DMXL1: variants seen among roughly 807,000 people sequenced by gnomAD.
The protein encoded by DMXL1 is Dmx like 1.
Under a neutral mutation model 319.2 loss-of-function variants are expected in DMXL1, and 99 were observed. That is an observed-to-expected ratio of 0.31 (90% CI 0.26 to 0.37). The LOEUF is 0.37. Among genes scored for constraint, DMXL1 ranks in the 10% least tolerant of loss-of-function variants. The pLI is 1.00. For missense variants in DMXL1, 3,745 were observed against 3,595.6 expected (o/e 1.04, Z -1.06); for synonymous variants, 1,385 against 1,235.2 (o/e 1.12, Z -2.54).
chr5:119,083,385 C>T (rs189207965), intron 1 of DMXL1, among the ~76,000 whole-genome samples: 215 of 151,976 alleles, frequency 1.4e-3, no homozygotes, highest in African/African-American at 4.4e-3. Context: ...TTTTTTTCAT[C>T]CACTGATGGG....
At chr5:119,073,996 G>A (rs1750244962) in intron 1 of DMXL1, among the ~76,000 whole-genome samples, 1 of 151,686 alleles carries the variant, frequency 6.6e-6, no homozygotes, top group African/African-American at 2.4e-5. Flanking sequence ...TTAGCTCACT[G>A]CAACTTCCGC....
chr5:119,193,945 G>C lies in DMXL1; in HGVS notation c.7432G>C (p.Glu2478Gln). Residue 2478 changes from glutamate to glutamine, a missense_variant, in exon 30 of 44, where the codon GAA becomes CAA. Transcript: ENST00000539542. Reference protein sequence around the residue: ...DVLASDFHLQEHSNSNSYSWS... With the variant: ...DVLASDFHLQQHSNSNSYSWS... ...TTTAGCATCAGATTTCCATCTCCAGGAACATTCTAATTCAAATTCATATAG... is the reference window on the plus strand; with the variant it reads ...TTTAGCATCAGATTTCCATCTCCAGCAACATTCTAATTCAAATTCATATAG... 6.2e-7 allele frequency: 1 copy of C among 1,608,086 alleles called. No individual in the cohort carries two copies. Among genetic ancestry groups the C allele is most frequent in the Non-Finnish European group, 8.5e-7 (1 of 1,176,478 alleles).
rs1776175947 is a variant in DMXL1, at chr5:119,178,229, T to A, written c.7120T>A (p.Ser2374Thr). 1.2e-6 allele frequency: 2 copies of A among 1,612,870 alleles called. No homozygotes were observed. Residue 2374 changes from serine (S) to threonine (T), a missense_variant, in exon 28 of 44, where the codon TCA becomes ACA. Physicochemically the swap from Ser to Thr is moderately conservative, Grantham distance 58. Transcript: ENST00000539542. ...AHVPSKEQTHSKTLPVSSLVE... is the reference protein window; with the variant it reads ...AHVPSKEQTHTKTLPVSSLVE... ...TGTTCCTAGCAAAGAACAGACACAT[T>A]CAAAAACTTTACCTGGTGAGTTTAA...
At position 119,150,275 on chromosome 5, in the gene DMXL1, C is replaced by A; in HGVS notation, c.4448C>A (p.Pro1483His). 6.2e-7 allele frequency: 1 copy of A among 1,613,750 alleles called. No homozygotes were observed. Among genetic ancestry groups the A allele is most frequent in the African/African-American group, 1.3e-5 (1 of 74,948 alleles). The change falls in exon 18 of 44, where the codon CCT becomes CAT. Residue 1483 changes from proline to histidine, a missense_variant. Pro to His is a moderately conservative substitution (Grantham distance 77). Transcript: ENST00000539542. ...LSQYSPTYFG[P>H]EHAQVLSGHL... Reference sequence around the variant, plus strand: ...CAGTACAGTCCGACTTACTTTGGACCTGAGCATGCTCAGGTTCTTTCTGGC... The same window carrying A: ...CAGTACAGTCCGACTTACTTTGGACATGAGCATGCTCAGGTTCTTTCTGGC...
In DMXL1 at chr5:119,247,882, T is replaced by C. The variant is rs1790048382; in HGVS notation, c.*663T>C. ...TGTATATATTAGCGAAAACTGGTTT[T>C]TCATGTGTTTTTGTGCCATAACAAC... On this transcript the variant is annotated 3_prime_UTR_variant, in exon 44 of 44. Coordinates refer to ENST00000539542, the MANE Select transcript of DMXL1 (RefSeq NM_001290321.3). 1 of 151,872 alleles carries C rather than the reference T, an allele frequency of 6.6e-6. No homozygotes were observed. The highest frequency in any genetic ancestry group is 1.5e-5 in the Non-Finnish European group (1 of 67,970). The allele number at this position is 151,872 out of a possible 1,614,324, so 9.4% of individuals were successfully genotyped here. A position where few individuals can be genotyped will look rare whatever the true frequency, so the allele number is the denominator to read the frequency against.
At chr5:119,210,334 T>C (rs142675720) in intron 34 of DMXL1, among the ~76,000 whole-genome samples, 538 of 152,326 alleles carry the variant, frequency 3.5e-3, no homozygotes, top group African/African-American at 0.013. Flanking sequence ...TTTTGGGTGT[T>C]GTATTTAAGA....
rs186422000 is a variant in DMXL1 at position 119,114,960 on chromosome 5, G to T, written c.564+419G>T. Among the ~76,000 whole-genome samples the T allele has an allele frequency of 4.3e-4, 66 of 152,278 alleles. 1 individual carries two copies. Among genetic ancestry groups the T allele is most frequent in the Middle Eastern group, 3.4e-3 (1 of 294 alleles). ...TGAGATTATAGGCGTGAGCCACCATGCCCGGCCATTAAAAATTTTAAATAG... is the reference window on the plus strand; with the variant it reads ...TGAGATTATAGGCGTGAGCCACCATTCCCGGCCATTAAAAATTTTAAATAG... On this transcript the variant is annotated intron_variant, in intron 6 of 43. Coordinates refer to ENST00000539542, the MANE Select transcript of DMXL1 (RefSeq NM_001290321.3).
At chr5:119,108,160 T>A (rs1758766393) in intron 4 of DMXL1, among the ~76,000 whole-genome samples, 1 of 152,118 alleles carries the variant, frequency 6.6e-6, no homozygotes, top group Non-Finnish European at 1.5e-5. Context: ...CCCAGGAGTT[T>A]GAGACCAGCC....
chr5:119,125,030 C>T (rs1470977982), intron 9 of DMXL1, among the ~76,000 whole-genome samples: 1 of 152,034 alleles, frequency 6.6e-6, no homozygotes, highest in African/African-American at 2.4e-5. Context: ...ACTGTATGAC[C>T]TAGGACATAT....
intron 2 of DMXL1, among the ~76,000 whole-genome samples, chr5:119,098,773 C>G (rs766625264): frequency 6.6e-6 from 1 of 152,148 alleles, no homozygotes. Context: ...TAAAATAACT[C>G]CATATAGGCA....
intron 38 of DMXL1, among the ~76,000 whole-genome samples, chr5:119,229,929 C>T (rs910770613): frequency 6.6e-6 from 1 of 152,024 alleles, no homozygotes. Context: ...TATTCTTCTG[C>T]AATAAGAAGC....
At chr5:119,219,553 TTTAATTAATTAA>T (rs201458069) in intron 35 of DMXL1, among the ~76,000 whole-genome samples, 5 of 151,718 alleles carry the variant, frequency 3.3e-5, no homozygotes, top group African/African-American at 9.7e-5. Context: ...AAGATACACA[TTTAATTAATTAA>T]TTAATTTATT....
Position 119,131,003 on chromosome 5 carries a change from CT to C in DMXL1, c.1315+1594del, listed in dbSNP as rs35682583. Among the ~76,000 whole-genome samples the C allele has an allele frequency of 6.1e-3, 871 of 142,024 alleles. 3 individuals are homozygous for C. The highest frequency in any genetic ancestry group is 0.016 in the Admixed American group (231 of 14,132). 93.2% of individuals were successfully genotyped at this position (142,024 alleles called of 152,430 possible). A position where few individuals can be genotyped will look rare whatever the true frequency, so the allele number is the denominator to read the frequency against. ...AACATTGGATGTTTTCATTATATTA[CT>C]TTTTTTTTTTTTTGCCAGTTGATAA... On this transcript the variant is annotated intron_variant, in intron 10 of 43. Coordinates refer to ENST00000539542, the MANE Select transcript of DMXL1 (RefSeq NM_001290321.3).
chr5:119,098,130 A>C (rs190770828), intron 2 of DMXL1, 26 bp downstream of exon 2: 7 of 1,591,730 alleles, frequency 4.4e-6, no homozygotes, highest in Middle Eastern at 1.7e-4. Context: ...CTAATATACA[A>C]ATTTGTTTGG....
Position 119,224,723 on chromosome 5 carries a change from C to T in DMXL1, c.8292C>T (p.Ala2764=). 1 of 1,309,682 alleles carries T rather than the reference C, an allele frequency of 7.6e-7. No homozygotes were observed. The highest frequency in any genetic ancestry group is 1.0e-6 in the Non-Finnish European group (1 of 979,174). The allele number at this position is 1,309,682 out of a possible 1,614,324, so 81.1% of individuals were successfully genotyped here. Residue 2764 remains alanine (A), a synonymous_variant, in exon 38 of 44, where the codon GCC becomes GCT. Transcript: ENST00000539542. ...GRGASVMIKK[A]INNVRRMTSH... is the part of the protein sequence containing the mutation. Reference sequence around the variant, plus strand: ...TATTTTACCAGATGATTAAGAAAGCCATTAATAATGTTAGAAGAATGACTT... The same window carrying T: ...TATTTTACCAGATGATTAAGAAAGCTATTAATAATGTTAGAAGAATGACTT...
chr5:119,164,784 A>G, intron 20 of DMXL1, 108 bp downstream of exon 20: 3 of 1,013,144 alleles, frequency 3.0e-6, no homozygotes, highest in Non-Finnish European at 4.3e-6. Context: ...TTGAAGCAGC[A>G]AAAGGCTTTT....
intron 28 of DMXL1, among the ~76,000 whole-genome samples, chr5:119,183,525 T>C (rs1777148361): frequency 6.6e-6 from 1 of 152,186 alleles, no homozygotes; most frequent in Non-Finnish European, 1.5e-5. Flanking sequence ...CAGGCTGGAG[T>C]GCAGTGGCGT....
chr5:119,153,291 A>C (rs1328494614), intron 19 of DMXL1, among the ~76,000 whole-genome samples: 4 of 152,164 alleles, frequency 2.6e-5, no homozygotes, highest in Non-Finnish European at 5.9e-5. Flanking sequence ...TTCTCTTTAA[A>C]ATTTTTAGAT....
chr5:119,155,610 G>GGGA (rs1770841802), intron 19 of DMXL1, among the ~76,000 whole-genome samples: 1 of 152,090 alleles, frequency 6.6e-6, no homozygotes, highest in Non-Finnish European at 1.5e-5. Flanking sequence ...ATATTGAGGT[G>GGGA]GGAGGATCGC....
Sources: gnomAD v4.1 joint callset for allele counts (sites outside exome capture counted in the v4.1 genomes callset) on GRCh38, gnomAD v4.1.1 for gene constraint, MANE v1.5 for transcripts, NCBI Gene and HGNC (gene_info 2026-07-23, HGNC 2026-07-21) for gene names.